NOTCH1: variants seen among roughly 807,000 people sequenced by gnomAD.
The protein encoded by NOTCH1 is notch receptor 1, also known as neurogenic locus notch homolog protein 1.
A neutral mutation model predicts 254.8 loss-of-function variants in NOTCH1; 37 were observed. That is an observed-to-expected ratio of 0.15 (90% CI 0.11 to 0.19). NOTCH1 has a LOEUF of 0.19. Ranked by LOEUF, NOTCH1 falls within the 10% of genes least tolerant of loss-of-function variation. The pLI is 1.00. For missense variants in NOTCH1, 2,972 were observed against 3,708.6 expected, an observed-to-expected ratio of 0.80 and a Z score of 5.16; for synonymous variants, 1,731 against 1,618.1, an observed-to-expected ratio of 1.07 and a Z score of -1.68.
chr9:136,510,441 C>T (rs961901454), intron 17 of NOTCH1: 11 of 637,618 alleles, frequency 1.7e-5, no homozygotes, highest in African/African-American at 5.4e-5. Context: ...GTGACTCTTC[C>T]GCGAAGTGCA....
chr9:136,506,655 G>T lies in NOTCH1; in HGVS notation c.3902-16C>A, dbSNP rs773462013. The T allele has an allele frequency of 6.2e-7, 1 of 1,601,470 alleles. No individual in the cohort carries two copies. Among genetic ancestry groups the T allele is most frequent in the East Asian group, 2.3e-5 (1 of 44,386 alleles). ...CAGCGGCGCCCTAGGGGTAAGAGCAGGGCAGTGAGAGGCTCACCCTGCTGC... is the reference window on the plus strand; with the variant it reads ...CAGCGGCGCCCTAGGGGTAAGAGCATGGCAGTGAGAGGCTCACCCTGCTGC... On this transcript the variant is annotated splice_polypyrimidine_tract_variant and intron_variant, in intron 23 of 33. Coordinates refer to ENST00000651671, the MANE Select transcript of NOTCH1 (RefSeq NM_017617.5). This position sits in a 1 kb window ranked among gnomAD's most constrained non-coding sequence, Gnocchi z 4.5.
intron 21 of NOTCH1, 99 bp from the exon 22 acceptor site, chr9:136,507,536 G>A (rs1177148828): frequency 5.0e-5 from 75 of 1,502,918 alleles, no homozygotes; most frequent in Non-Finnish European, 1.8e-6. Context: ...CACATGAGCT[G>A]CCCTCAGGTC....
At chr9:136,512,002 G>A (rs1843188446) in intron 15 of NOTCH1, among the ~76,000 whole-genome samples, 1 of 152,262 alleles carries the variant, frequency 6.6e-6, no homozygotes, top group South Asian at 2.1e-4. Flanking sequence ...GCCTGCTGGG[G>A]CGACTTTCCA....
intron 26 of NOTCH1, among the ~76,000 whole-genome samples, chr9:136,503,549 G>A (rs867348034): frequency 4.6e-5 from 7 of 152,312 alleles, no homozygotes; most frequent in South Asian, 2.1e-4. Context: ...GCTCATCCCA[G>A]ATACCCACCA....
At chr9:136,542,114 C>G (rs1183701518) in intron 2 of NOTCH1, among the ~76,000 whole-genome samples, 1 of 152,318 alleles carries the variant, frequency 6.6e-6, no homozygotes, top group South Asian at 2.1e-4. Context: ...AACCCAGACA[C>G]CAGGGAGCTG....
Position 136,507,849 on chromosome 9 carries a change from G to C in NOTCH1, c.3510+106C>G, listed in dbSNP as rs1843113240. On this transcript the variant is annotated intron_variant, in intron 21 of 33. Coordinates refer to ENST00000651671, the MANE Select transcript of NOTCH1 (RefSeq NM_017617.5). ...CCCCTAATGAGACTGAACAGTGCAT[G>C]GGCCTATCAGGTTCAGTTTTCTCCA... The C allele has an allele frequency of 4.3e-6, 5 of 1,159,554 alleles. No individual in the cohort carries two copies. In the Admixed American group the frequency reaches 8.7e-5, roughly 20 times the overall value. The allele number at this position is 1,159,554 out of a possible 1,614,324, so 71.8% of individuals were successfully genotyped here.
At chr9:136,531,615 C>T (rs1030364311) in intron 2 of NOTCH1, among the ~76,000 whole-genome samples, 1 of 152,158 alleles carries the variant, frequency 6.6e-6, no homozygotes, top group Non-Finnish European at 1.5e-5. Flanking sequence ...CGCTCCCCTT[C>T]CTTCCTCCCG....
chr9:136,508,748 C>CG (rs1589061227), intron 19 of NOTCH1, 122 bp downstream of exon 19: 3 of 997,802 alleles, frequency 3.0e-6, no homozygotes, highest in East Asian at 5.3e-5. Flanking sequence ...ACCCTCTGCC[C>CG]GGGGGTGTGG....
chr9:136,534,334 C>T (rs191539478), intron 2 of NOTCH1, among the ~76,000 whole-genome samples: 2 of 152,324 alleles, frequency 1.3e-5, no homozygotes, highest in African/African-American at 4.8e-5. Context: ...AATTCAAGCC[C>T]TTCAGAGATG....
At chr9:136,538,191 G>A (rs1000329385) in intron 2 of NOTCH1, among the ~76,000 whole-genome samples, 1 of 152,094 alleles carries the variant, frequency 6.6e-6, no homozygotes, top group African/African-American at 2.4e-5. Context: ...TGCTCCCAGG[G>A]AGCAGGGTGG....
intron 19 of NOTCH1, 103 bp from the exon 20 acceptor site, chr9:136,508,488 C>T: frequency 1.3e-6 from 2 of 1,533,266 alleles, no homozygotes; most frequent in Non-Finnish European, 1.8e-6. Context: ...CAGGCTGCAA[C>T]CCATTCTACA....
chr9:136,515,672 G>T lies in NOTCH1; in HGVS notation c.1714C>A (p.Pro572Thr), dbSNP rs868858199. 1.3e-6 allele frequency: 2 copies of T among 1,566,938 alleles called. No homozygotes were observed. The highest frequency in any genetic ancestry group is 8.6e-7 in the Non-Finnish European group (1 of 1,161,402). The part of the protein sequence containing the change: ...HCEVDIDECD[P>T]DPCHYGSCKD... ...CAGGAGCCGTAGTGGCAGGGGTCGG[G>T]GTCGCACTCATCGATGTCCACCTCG... The change falls in exon 11 of 34, where the codon CCC becomes ACC. Residue 572 changes from proline to threonine, a missense_variant. Physicochemically the swap from Pro to Thr is conservative, Grantham distance 38. This residue lies in a region of NOTCH1 where 128 missense variants were observed against 193.8 expected (regional missense o/e 0.66). Coordinates refer to ENST00000651671, the MANE Select transcript of NOTCH1 (RefSeq NM_017617.5).
Position 136,513,222 on chromosome 9 carries a change from C to G in NOTCH1, c.2354-88G>C. On this transcript the variant is annotated intron_variant, in intron 14 of 33. Coordinates refer to ENST00000651671, the MANE Select transcript of NOTCH1 (RefSeq NM_017617.5). The surrounding 1 kb of genome is among the most constrained non-coding windows in gnomAD (Gnocchi z 4.7). ...CAACAGCAGCCCTGGGCCTGCTCCC[C>G]ACCCCAGGCCCCTCCTCATCTCCAA... 1.4e-6 allele frequency: 2 copies of G among 1,436,368 alleles called. No individual in the cohort carries two copies. The highest frequency in any genetic ancestry group is 2.0e-6 in the Non-Finnish European group (2 of 1,024,164). The allele number at this position is 1,436,368 out of a possible 1,614,324, so 89.0% of individuals were successfully genotyped here.
chr9:136,520,663 G>T (rs1163592229), intron 4 of NOTCH1, among the ~76,000 whole-genome samples: 3 of 152,068 alleles, frequency 2.0e-5, no homozygotes, highest in Admixed American at 6.5e-5. Context: ...GCTTTAGCCT[G>T]GGAGGTCAAG....
In NOTCH1 at chr9:136,513,428, T is replaced by G; in HGVS notation, c.2317A>C (p.Ser773Arg). Residue 773 changes from serine (S) to arginine (R), a missense_variant, in exon 14 of 34, where the codon AGT becomes CGT. Ser to Arg is a moderately radical substitution (Grantham distance 110). Around this residue, in one of 8 missense-constraint regions of NOTCH1, gnomAD observed 1,343 missense variants for 1,557.0 expected, o/e 0.86. Coordinates refer to ENST00000651671, the MANE Select transcript of NOTCH1 (RefSeq NM_017617.5). The surrounding 1 kb of genome is among the most constrained non-coding windows in gnomAD (Gnocchi z 4.7). Reference protein sequence around the residue: ...VNGGTCKDMTSGYVCTCREGF... With the variant: ...VNGGTCKDMTRGYVCTCREGF... ...TCCCGGCAGGTGCACACGTAGCCAC[T>G]GGTCATGTCTTTGCAGGTGCCGCCG... 6.2e-7 allele frequency: 1 copy of G among 1,613,028 alleles called. No homozygotes were observed. Among genetic ancestry groups the G allele is most frequent in the South Asian group, 1.1e-5 (1 of 91,088 alleles).
At chr9:136,530,205 C>T (rs1021340238) in intron 2 of NOTCH1, among the ~76,000 whole-genome samples, 27 of 152,360 alleles carry the variant, frequency 1.8e-4, no homozygotes, top group Admixed American at 1.3e-4. Context: ...CCAGGCTTTC[C>T]GGCCCAAACA....
At chr9:136,535,496 T>C (rs1275227372) in intron 2 of NOTCH1, among the ~76,000 whole-genome samples, 4 of 78,416 alleles carry the variant, frequency 5.1e-5, no homozygotes, top group African/African-American at 2.3e-4. Context: ...CCAGGGGCAA[T>C]GGGTGCAGGG....
intron 17 of NOTCH1, 56 bp downstream of exon 17, chr9:136,510,597 G>A: frequency 6.4e-7 from 1 of 1,570,574 alleles, no homozygotes. Flanking sequence ...ACCCTGCCCG[G>A]GGGAACTGAG....
intron 27 of NOTCH1, chr9:136,502,962 G>A (rs751565603): frequency 1.7e-5 from 12 of 710,578 alleles, no homozygotes; most frequent in African/African-American, 7.0e-5. Flanking sequence ...CCACTTTCCC[G>A]TGGCTGGACT....
Sources: allele counts gnomAD v4.1 joint callset (sites outside exome capture counted in the v4.1 genomes callset), GRCh38; gene constraint gnomAD v4.1.1; regional missense constraint gnomAD v4.1.1; non-coding constraint Gnocchi (gnomAD v3.1); transcripts MANE v1.5; gene names NCBI Gene and HGNC (gene_info 2026-07-23, HGNC 2026-07-21).